Variants in GPC5 observed in about 807,000 individuals in gnomAD.
GPC5 encodes the protein glypican 5.
In GPC5, 47 loss-of-function variants were observed where a neutral mutation model predicts 53.9. The ratio of observed to expected loss-of-function variants is 0.87; its 90% CI spans 0.69 to 1.11. The LOEUF is 1.11. GPC5 is among the 50% of genes most tolerant of loss of function. The probability of loss-of-function intolerance (pLI) is 0.00; values close to 1 mark genes in which losing one functional copy is unlikely to be tolerated. For missense variants in GPC5, 748 were observed against 713.1 expected (o/e 1.05, Z -0.56); for synonymous variants, 286 against 263.3 (o/e 1.09, Z -0.84).
intron 7 of GPC5, among the ~76,000 whole-genome samples, chr13:92,827,964 C>A (rs772833074): frequency 1.3e-5 from 2 of 152,100 alleles, no homozygotes; most frequent in Non-Finnish European, 2.9e-5. Context: ...AGTTACCACA[C>A]CTAAGGATTT....
At chr13:92,078,049 T>C (rs1381426590) in intron 6 of GPC5, among the ~76,000 whole-genome samples, 1 of 152,122 alleles carries the variant, frequency 6.6e-6, no homozygotes, top group Non-Finnish European at 1.5e-5. Flanking sequence ...ATGTATTGAA[T>C]TGTACACATA....
At position 92,705,646 on chromosome 13, in the gene GPC5, C is replaced by G. The variant is rs984330059; in HGVS notation, c.1562-160636C>G. Among the ~76,000 whole-genome samples the G allele has an allele frequency of 5.9e-5, 9 of 152,090 alleles. No individual in the cohort carries two copies. The East Asian group carries it at 1.4e-3, about 23-fold the overall frequency. ...CTACATGTTTTCCTTTTTAATGTTG[C>G]TTTTCAAAAATTTAAAATTATATAT... On this transcript the variant is annotated intron_variant, in intron 7 of 7. Coordinates refer to ENST00000377067, the MANE Select transcript of GPC5 (RefSeq NM_004466.6).
chr13:91,571,957 A>T (rs9560826), intron 2 of GPC5, among the ~76,000 whole-genome samples: 1 of 118,004 alleles, frequency 8.5e-6, no homozygotes, highest in Non-Finnish European at 1.7e-5. Flanking sequence ...ATATACACAC[A>T]TATATGTATA....
At chr13:91,894,815 A>C (rs562669327) in intron 5 of GPC5, among the ~76,000 whole-genome samples, 1 of 152,308 alleles carries the variant, frequency 6.6e-6, no homozygotes, top group East Asian at 1.9e-4. Flanking sequence ...CCAGGTGTGC[A>C]GATCAAACAA....
chr13:91,504,727 GGAA>G (rs1884845708), intron 2 of GPC5, among the ~76,000 whole-genome samples: 1 of 152,052 alleles, frequency 6.6e-6, no homozygotes, highest in Non-Finnish European at 1.5e-5. Context: ...GGAGGCTGAG[GGAA>G]GAAGATTGTT....
intron 7 of GPC5, among the ~76,000 whole-genome samples, chr13:92,443,584 C>A (rs1423379125): frequency 6.6e-6 from 1 of 152,008 alleles, no homozygotes; most frequent in Non-Finnish European, 1.5e-5. Context: ...TTATGAAACA[C>A]CTTGAAGATA....
intron 7 of GPC5, among the ~76,000 whole-genome samples, chr13:92,648,515 C>T (rs149208430): frequency 6.6e-6 from 1 of 152,192 alleles, no homozygotes; most frequent in African/African-American, 2.4e-5. Context: ...TTCACCTCTG[C>T]TATCAAATAT....
chr13:92,063,781 G>A (rs545612637), intron 6 of GPC5, among the ~76,000 whole-genome samples: 48 of 152,116 alleles, frequency 3.2e-4, no homozygotes, highest in Admixed American at 1.4e-3. Context: ...ATAAATGTTA[G>A]CATAAAAAGT....
intron 6 of GPC5, among the ~76,000 whole-genome samples, chr13:91,963,890 C>G (rs1325642691): frequency 1.3e-5 from 2 of 152,116 alleles, no homozygotes; most frequent in Non-Finnish European, 1.5e-5. Flanking sequence ...TGATGATAAA[C>G]AAGTTAATGC....
chr13:92,633,640 A>G (rs1487538161), intron 7 of GPC5, among the ~76,000 whole-genome samples: 1 of 152,050 alleles, frequency 6.6e-6, no homozygotes, highest in African/African-American at 2.4e-5. Flanking sequence ...ATACTTTTCT[A>G]TTGATTTTCA....
At chr13:91,689,894 A>C (rs1474547252) in intron 2 of GPC5, among the ~76,000 whole-genome samples, 1 of 152,190 alleles carries the variant, frequency 6.6e-6, no homozygotes, top group Non-Finnish European at 1.5e-5. Context: ...ACAATAAAAA[A>C]CATAGTATGG....
chr13:91,564,535 A>T (rs1042300531), intron 2 of GPC5, among the ~76,000 whole-genome samples: 1 of 152,206 alleles, frequency 6.6e-6, no homozygotes, highest in Non-Finnish European at 1.5e-5. Context: ...AATCCAAGAA[A>T]ATAATTGGCA....
At chr13:92,794,168 T>A (rs1367443588) in intron 7 of GPC5, among the ~76,000 whole-genome samples, 1 of 152,006 alleles carries the variant, frequency 6.6e-6, no homozygotes, top group Non-Finnish European at 1.5e-5. Flanking sequence ...CAACAGCACA[T>A]CAAAAAGCTT....
intron 1 of GPC5, among the ~76,000 whole-genome samples, chr13:91,434,937 C>T (rs1270686035): frequency 6.6e-6 from 1 of 152,054 alleles, no homozygotes; most frequent in Non-Finnish European, 1.5e-5. Context: ...GTATTTTATT[C>T]TCTTTGAAGC....
intron 7 of GPC5, among the ~76,000 whole-genome samples, chr13:92,340,903 TA>T (rs1326993775): frequency 6.6e-6 from 1 of 152,146 alleles, no homozygotes. Flanking sequence ...CAATTGGTTG[TA>T]AAATCAAAAA....
chr13:91,757,400 C>T (rs2037318373), intron 5 of GPC5, among the ~76,000 whole-genome samples: 1 of 152,178 alleles, frequency 6.6e-6, no homozygotes, highest in Admixed American at 6.5e-5. Context: ...AGCTTTCTGA[C>T]AGATATGGTT....
At chr13:92,792,241 G>A (rs546412138) in intron 7 of GPC5, among the ~76,000 whole-genome samples, 2 of 152,222 alleles carry the variant, frequency 1.3e-5, no homozygotes, top group African/African-American at 2.4e-5. Context: ...CCAGAAGAGA[G>A]TGGGGGCCAA....
chr13:92,753,442 T>C (rs966584685), intron 7 of GPC5, among the ~76,000 whole-genome samples: 4 of 152,180 alleles, frequency 2.6e-5, no homozygotes, highest in Middle Eastern at 3.2e-3. Flanking sequence ...TCCAAAGGAA[T>C]GCAGTTCCTC....
At chr13:91,827,869 A>G (rs939386331) in intron 5 of GPC5, among the ~76,000 whole-genome samples, 3 of 152,050 alleles carry the variant, frequency 2.0e-5, no homozygotes, top group African/African-American at 4.8e-5. Flanking sequence ...AAATATATCC[A>G]TATAAAGACT....
Sources: gnomAD v4.1 joint callset for allele counts (sites outside exome capture counted in the v4.1 genomes callset) on GRCh38, gnomAD v4.1.1 for gene constraint, MANE v1.5 for transcripts, NCBI Gene and HGNC (gene_info 2026-07-23, HGNC 2026-07-21) for gene names.